The following LRRC7 variants were observed in gnomAD, a reference collection of about 807,000 sequenced individuals.
The protein encoded by LRRC7 is leucine rich repeat containing 7.
In LRRC7, 23 loss-of-function variants were observed where a neutral mutation model predicts 175.7. The observed-to-expected ratio is 0.13, with a 90% CI of 0.09 to 0.19. LRRC7 has a LOEUF of 0.19. LRRC7 is among the 10% of genes least tolerant of loss of function. LRRC7 has a pLI of 1.00. For synonymous variants in LRRC7, 685 were observed against 680.9 expected, an observed-to-expected ratio of 1.01 and a Z score of -0.09; for missense variants, 1,354 against 1,904.7, an observed-to-expected ratio of 0.71 and a Z score of 5.38.
intron 18 of LRRC7, among the ~76,000 whole-genome samples, chr1:70,032,082 C>A (rs1373771372): frequency 6.6e-6 from 1 of 152,186 alleles, no homozygotes; most frequent in Non-Finnish European, 1.5e-5. Flanking sequence ...CAGGCGTGAG[C>A]CACCGCTCCC....
rs61048595 is a variant in LRRC7, at chr1:69,631,364, C to T, written c.3-47017C>T. 8.8e-3 allele frequency among the ~76,000 whole-genome samples: 1,342 copies of T among 152,194 alleles called. 21 individuals are homozygous for T. Among genetic ancestry groups the T allele is most frequent in the African/African-American group, 0.03 (1,227 of 41,526 alleles). On this transcript the variant is annotated intron_variant, in intron 1 of 26. Coordinates refer to ENST00000651989, the MANE Select transcript of LRRC7 (RefSeq NM_001370785.2). ...TTCTGACTACTACTCAGTCTTTACA[C>T]GCCTTGAACTCAAATCATCTCATTG...
intron 8 of LRRC7, among the ~76,000 whole-genome samples, chr1:69,948,532 G>C (rs1406045172): frequency 6.6e-6 from 1 of 152,134 alleles, no homozygotes; most frequent in Non-Finnish European, 1.5e-5. Context: ...TGTCTATGGT[G>C]AGTGAGCAAG....
chr1:70,104,122 G>C (rs1664986546), intron 25 of LRRC7, among the ~76,000 whole-genome samples: 1 of 152,146 alleles, frequency 6.6e-6, no homozygotes, highest in African/African-American at 2.4e-5. Context: ...TGGAAGTTAG[G>C]AGATAGCTTT....
intron 11 of LRRC7, among the ~76,000 whole-genome samples, chr1:70,009,418 C>T (rs1235869854): frequency 6.7e-6 from 1 of 148,684 alleles, no homozygotes; most frequent in East Asian, 2.0e-4. Flanking sequence ...TGGATTCCTG[C>T]CCCCACAAAC....
At chr1:69,683,122 C>T (rs1660703347) in intron 2 of LRRC7, among the ~76,000 whole-genome samples, 1 of 152,140 alleles carries the variant, frequency 6.6e-6, no homozygotes, top group South Asian at 2.1e-4. Flanking sequence ...GCCTGAGCTT[C>T]CTCCAGTGTT....
intron 8 of LRRC7, among the ~76,000 whole-genome samples, chr1:69,980,088 T>G (rs1303180105): frequency 6.6e-6 from 1 of 151,968 alleles, no homozygotes; most frequent in Admixed American, 6.5e-5. Flanking sequence ...TCAAATAGAG[T>G]GTAATCAGTA....
intron 7 of LRRC7, among the ~76,000 whole-genome samples, chr1:69,916,390 C>G (rs962818109): frequency 1.4e-5 from 2 of 148,086 alleles, no homozygotes; most frequent in African/African-American, 5.0e-5. Flanking sequence ...TTTCTTTTAT[C>G]ATTTGAATTT....
At chr1:69,612,511 T>C (rs1031711207) in intron 1 of LRRC7, among the ~76,000 whole-genome samples, 4 of 151,984 alleles carry the variant, frequency 2.6e-5, no homozygotes, top group Non-Finnish European at 5.9e-5. Flanking sequence ...TAATAAAATA[T>C]TCTTACATTC....
intron 1 of LRRC7, among the ~76,000 whole-genome samples, chr1:69,611,345 G>GAT (rs1648701680): frequency 6.6e-6 from 1 of 151,794 alleles, no homozygotes; most frequent in Admixed American, 6.6e-5. Context: ...TAATATGTGA[G>GAT]ATAGTATAGG....
At chr1:69,651,302 AG>A (rs1230192292) in intron 1 of LRRC7, among the ~76,000 whole-genome samples, 1 of 151,866 alleles carries the variant, frequency 6.6e-6, no homozygotes, top group African/African-American at 2.4e-5. Flanking sequence ...AGAAAAAAAA[AG>A]TGCACTACAT....
chr1:69,902,119 G>A (rs552432282), intron 7 of LRRC7, among the ~76,000 whole-genome samples: 65 of 152,180 alleles, frequency 4.3e-4, no homozygotes, highest in African/African-American at 1.4e-3. Flanking sequence ...TACTAATTGG[G>A]AGCTTTTATA....
chr1:69,867,499 G>T (rs972553236), intron 7 of LRRC7, among the ~76,000 whole-genome samples: 7 of 152,162 alleles, frequency 4.6e-5, no homozygotes, highest in Non-Finnish European at 1.0e-4. Flanking sequence ...ACATCATCAG[G>T]TTTGCATTTT....
intron 7 of LRRC7, among the ~76,000 whole-genome samples, chr1:69,867,633 A>G (rs548719805): frequency 1.3e-5 from 2 of 152,312 alleles, no homozygotes; most frequent in East Asian, 3.9e-4. Flanking sequence ...ATTTAAATCA[A>G]TGGCAGTGGA....
At chr1:69,585,812 A>G (rs893102002) in intron 1 of LRRC7, among the ~76,000 whole-genome samples, 2 of 152,234 alleles carry the variant, frequency 1.3e-5, no homozygotes, top group African/African-American at 4.8e-5. Flanking sequence ...GCCACCAGTG[A>G]GTTCAGAAAG....
Position 69,764,730 on chromosome 1 carries a change from C to CAGACAGACAGACAGACAGATAGAT in LRRC7, c.303+4340_303+4341insCAGACAGACAGACAGATAGATAGA, listed in dbSNP as rs1377304958. Among the ~76,000 whole-genome samples, 37 of 140,414 alleles carry CAGACAGACAGACAGACAGATAGAT rather than the reference C, an allele frequency of 2.6e-4. 1 individual carries two copies. Among genetic ancestry groups the CAGACAGACAGACAGACAGATAGAT allele is most frequent in the African/African-American group, 8.5e-4 (32 of 37,484 alleles). The allele number at this position is 140,414 out of a possible 152,430, so 92.1% of individuals were successfully genotyped here. The stretch of plus-strand genomic sequence containing the variant: ...ATAGATAGGTAGGTAGATAGATAGA[C>CAGACAGACAGACAGACAGATAGAT]AGATAGATAGATAGATAGATAGATA... On this transcript the variant is annotated intron_variant, in intron 3 of 26. Transcript: ENST00000651989.
chr1:70,037,425 G>A (rs937713109), intron 20 of LRRC7, among the ~76,000 whole-genome samples: 1 of 152,126 alleles, frequency 6.6e-6, no homozygotes, highest in Non-Finnish European at 1.5e-5. Flanking sequence ...GTATCTGCTA[G>A]AAATAACATG....
At chr1:70,023,433 G>A (rs927304126) in intron 17 of LRRC7, 59 bp downstream of exon 17, 4 of 1,450,922 alleles carry the variant, frequency 2.8e-6, no homozygotes, top group African/African-American at 1.4e-5. Context: ...TTGGAACAGT[G>A]GTTTATGGGG....
At chr1:69,758,120 G>A (rs1028988561) in intron 2 of LRRC7, among the ~76,000 whole-genome samples, 2 of 151,944 alleles carry the variant, frequency 1.3e-5, no homozygotes, top group African/African-American at 4.8e-5. Flanking sequence ...ACACTTATGA[G>A]GGTGCATTTA....
chr1:69,820,056 C>G (rs1234214513), intron 4 of LRRC7, among the ~76,000 whole-genome samples: 2 of 151,928 alleles, frequency 1.3e-5, no homozygotes, highest in African/African-American at 2.4e-5. Context: ...TAAGGACTTA[C>G]TATTACCATT....
Sources: gnomAD v4.1 joint callset for allele counts (sites outside exome capture counted in the v4.1 genomes callset) on GRCh38, gnomAD v4.1.1 for gene constraint, MANE v1.5 for transcripts, NCBI Gene and HGNC (gene_info 2026-07-23, HGNC 2026-07-21) for gene names.